Variants in NRG1 observed in about 807,000 individuals in gnomAD.
The protein encoded by NRG1 is neuregulin 1, also known as pro-neuregulin-1, membrane-bound isoform.
Under a neutral mutation model 63.8 loss-of-function variants are expected in NRG1, and 18 were observed. The observed-to-expected ratio is 0.28, with a 90% CI of 0.19 to 0.42. NRG1 has a LOEUF of 0.42. NRG1 is among the 10% of genes least tolerant of loss of function. The pLI, the probability that NRG1 is intolerant of heterozygous loss-of-function variation, is 1.00. For synonymous variants in NRG1, 302 were observed against 301.3 expected, an observed-to-expected ratio of 1.00 and a Z score of -0.02; for missense variants, 762 against 814.7, an observed-to-expected ratio of 0.94 and a Z score of 0.79.
intron 1 of NRG1, among the ~76,000 whole-genome samples, chr8:32,029,860 C>T (rs1246914054): frequency 1.3e-5 from 2 of 151,458 alleles, no homozygotes; most frequent in African/African-American, 4.8e-5. Context: ...AAAAAAAAGC[C>T]ACAAATTTTA....
chr8:32,324,931 A>G (rs1336592989), intron 1 of NRG1, among the ~76,000 whole-genome samples: 1 of 152,188 alleles, frequency 6.6e-6, no homozygotes, highest in East Asian at 1.9e-4. Context: ...TGTCAACTGT[A>G]AAGTGAGGAA....
At chr8:32,491,948 T>G (rs548260573) in intron 1 of NRG1, among the ~76,000 whole-genome samples, 25 of 152,296 alleles carry the variant, frequency 1.6e-4, no homozygotes, top group African/African-American at 5.8e-4. Flanking sequence ...AAAACTAGAC[T>G]AAATTCTGTA....
chr8:31,699,294 A>G (rs1221537549), intron 1 of NRG1, among the ~76,000 whole-genome samples: 1 of 152,154 alleles, frequency 6.6e-6, no homozygotes, highest in Non-Finnish European at 1.5e-5. Context: ...GCCCTTTTAG[A>G]AGCCCAGGTA....
intron 1 of NRG1, among the ~76,000 whole-genome samples, chr8:32,165,275 A>G (rs1456630756): frequency 6.6e-6 from 1 of 151,964 alleles, no homozygotes; most frequent in Admixed American, 6.6e-5. Context: ...AGTAACTGGG[A>G]CTACAGGCAT....
intron 7 of NRG1, among the ~76,000 whole-genome samples, chr8:32,751,859 T>G (rs1270154844): frequency 6.6e-6 from 1 of 151,540 alleles, no homozygotes; most frequent in Non-Finnish European, 1.5e-5. Flanking sequence ...GCTCAATCTA[T>G]TCTTCTGTAA....
chr8:32,258,536 A>T (rs1850001372), intron 1 of NRG1, among the ~76,000 whole-genome samples: 1 of 152,180 alleles, frequency 6.6e-6, no homozygotes, highest in African/African-American at 2.4e-5. Context: ...ATTGACTCAC[A>T]GTTCTGCATG....
At chr8:32,602,346 T>C (rs2129538684) in intron 2 of NRG1, among the ~76,000 whole-genome samples, 1 of 152,270 alleles carries the variant, frequency 6.6e-6, no homozygotes, top group East Asian at 1.9e-4. Context: ...TAGGAGAAGT[T>C]TGATTTTAAG....
At chr8:32,527,399 G>A (rs6651140) in intron 1 of NRG1, among the ~76,000 whole-genome samples, 114,913 of 152,056 alleles carry the variant, frequency 0.76, 43,582 homozygotes, top group East Asian at 0.84. Flanking sequence ...TCTTAAGTGA[G>A]ATAACCCAGA....
chr8:32,015,859 T>G (rs1815450382), intron 1 of NRG1, among the ~76,000 whole-genome samples: 1 of 152,070 alleles, frequency 6.6e-6, no homozygotes, highest in Non-Finnish European at 1.5e-5. Flanking sequence ...TGTTTGTTTT[T>G]TTTTTTATTC....
intron 1 of NRG1, among the ~76,000 whole-genome samples, chr8:32,112,890 C>T (rs1832218689): frequency 6.6e-6 from 1 of 152,200 alleles, no homozygotes; most frequent in Non-Finnish European, 1.5e-5. Context: ...GCCACTTAAA[C>T]TCTCTAAGCC....
intron 1 of NRG1, among the ~76,000 whole-genome samples, chr8:31,907,747 A>G (rs1241374371): frequency 6.6e-6 from 1 of 151,976 alleles, no homozygotes; most frequent in Non-Finnish European, 1.5e-5. Flanking sequence ...AAATTATTAA[A>G]CTCAATCCCC....
chr8:32,559,677 A>G (rs928215618), intron 1 of NRG1, among the ~76,000 whole-genome samples: 2 of 152,074 alleles, frequency 1.3e-5, no homozygotes, highest in African/African-American at 4.8e-5. Context: ...TTAAAGAATT[A>G]CTTTTGTGAT....
intron 5 of NRG1, among the ~76,000 whole-genome samples, chr8:32,656,304 A>G (rs987386502): frequency 1.3e-5 from 2 of 152,116 alleles, no homozygotes; most frequent in African/African-American, 4.8e-5. Context: ...CCTATGCCTA[A>G]CTGCTAGAGT....
intron 1 of NRG1, among the ~76,000 whole-genome samples, chr8:32,480,660 A>C (rs1006076084): frequency 6.6e-6 from 1 of 152,192 alleles, no homozygotes; most frequent in Admixed American, 6.5e-5. Context: ...TCTGTAGACT[A>C]TAAAGGTAGC....
intron 1 of NRG1, among the ~76,000 whole-genome samples, chr8:32,456,203 C>A (rs1821576145): frequency 6.6e-6 from 1 of 152,164 alleles, no homozygotes; most frequent in African/African-American, 2.4e-5. Context: ...TTTTCATTTT[C>A]ATAACAAGAA....
chr8:32,550,024 A>G (rs1337771748), intron 1 of NRG1, among the ~76,000 whole-genome samples: 1 of 152,230 alleles, frequency 6.6e-6, no homozygotes, highest in Non-Finnish European at 1.5e-5. Context: ...TTGCTGGAAG[A>G]AAACAAACCA....
intron 1 of NRG1, among the ~76,000 whole-genome samples, chr8:31,786,621 C>T (rs1054819022): frequency 1.3e-5 from 2 of 152,202 alleles, no homozygotes; most frequent in African/African-American, 4.8e-5. Flanking sequence ...GGGGTTCCCT[C>T]AACTTCCCCC....
chr8:32,562,058 T>C (rs1391522282), intron 1 of NRG1, among the ~76,000 whole-genome samples: 1 of 152,160 alleles, frequency 6.6e-6, no homozygotes, highest in Non-Finnish European at 1.5e-5. Flanking sequence ...CTACAGATTA[T>C]AGCAGGGAGG....
chr8:32,584,797 A>G (rs1347837937), intron 1 of NRG1, among the ~76,000 whole-genome samples: 1 of 152,228 alleles, frequency 6.6e-6, no homozygotes, highest in Non-Finnish European at 1.5e-5. Flanking sequence ...ATGTTCTTAG[A>G]TCATGAATCA....
Sources: gnomAD v4.1 joint callset for allele counts (sites outside exome capture counted in the v4.1 genomes callset) on GRCh38, gnomAD v4.1.1 for gene constraint, MANE v1.5 for transcripts, NCBI Gene and HGNC (gene_info 2026-07-23, HGNC 2026-07-21) for gene names.